HS3ST2: variants seen among roughly 807,000 people sequenced by gnomAD.
HS3ST2 encodes heparan sulfate glucosamine 3-O-sulfotransferase 2.
Under a neutral mutation model 26.3 loss-of-function variants are expected in HS3ST2, and 17 were observed. That is an observed-to-expected ratio of 0.65 (90% CI 0.44 to 0.97). HS3ST2 has a LOEUF of 0.97. Among genes scored for constraint, HS3ST2 ranks in the 50% least tolerant of loss-of-function variants. The pLI is 0.00. For synonymous variants in HS3ST2, 237 were observed against 219.2 expected, an observed-to-expected ratio of 1.08 and a Z score of -0.72; for missense variants, 402 against 501.2, an observed-to-expected ratio of 0.80 and a Z score of 1.89.
chr16:22,826,860 G>T (rs1008840421), intron 1 of HS3ST2, among the ~76,000 whole-genome samples: 2 of 152,068 alleles, frequency 1.3e-5, no homozygotes, highest in African/African-American at 4.8e-5. Context: ...GGGGAGAGAG[G>T]AATGAAAAAA....
chr16:22,910,607 T>C (rs556764371), intron 1 of HS3ST2, among the ~76,000 whole-genome samples: 4 of 152,294 alleles, frequency 2.6e-5, no homozygotes, highest in African/African-American at 9.6e-5. Context: ...TTAAAAATTG[T>C]TTTTTAATTG....
At chr16:22,865,069 AAAG>A (rs1901732621) in intron 1 of HS3ST2, among the ~76,000 whole-genome samples, 1 of 150,112 alleles carries the variant, frequency 6.7e-6, no homozygotes, top group Admixed American at 6.6e-5. Context: ...AAAAAAAAAA[AAAG>A]AGGAAAAGAA....
chr16:22,882,176 A>G (rs1171717406), intron 1 of HS3ST2, among the ~76,000 whole-genome samples: 2 of 152,180 alleles, frequency 1.3e-5, no homozygotes, highest in Non-Finnish European at 2.9e-5. Context: ...TCTGAACAAC[A>G]TGGTGAGACC....
intron 1 of HS3ST2, among the ~76,000 whole-genome samples, chr16:22,871,354 CAAA>C (rs35724979): frequency 7.6e-6 from 1 of 131,598 alleles, no homozygotes. Flanking sequence ...CACTCTGTTT[CAAA>C]AAAAAAAAAA....
intron 1 of HS3ST2, among the ~76,000 whole-genome samples, chr16:22,873,408 C>T (rs759681359): frequency 5.9e-5 from 9 of 152,202 alleles, no homozygotes; most frequent in South Asian, 4.1e-4. Flanking sequence ...TCTTATCTCA[C>T]GTTAATGACA....
intron 1 of HS3ST2, among the ~76,000 whole-genome samples, chr16:22,882,873 A>T (rs1902008583): frequency 6.6e-6 from 1 of 151,744 alleles, no homozygotes; most frequent in African/African-American, 2.4e-5. Flanking sequence ...TCAACTAAAA[A>T]CACAAAAGTT....
chr16:22,888,168 A>G (rs1902086490), intron 1 of HS3ST2, among the ~76,000 whole-genome samples: 1 of 151,940 alleles, frequency 6.6e-6, no homozygotes, highest in Non-Finnish European at 1.5e-5. Flanking sequence ...TCACCTTCCA[A>G]ATACATTTAT....
chr16:22,896,809 T>A (rs891206416), intron 1 of HS3ST2, among the ~76,000 whole-genome samples: 3 of 152,258 alleles, frequency 2.0e-5, no homozygotes, highest in African/African-American at 7.2e-5. Context: ...CTTTCTTTTT[T>A]TCTTTTGTTA....
chr16:22,854,639 CT>C (rs35867719), intron 1 of HS3ST2: 34,425 of 126,900 alleles, frequency 0.27, 5,114 homozygotes, highest in African/African-American at 0.58. Context: ...GTATTAAATG[CT>C]TTTTTTTTTT....
chr16:22,869,330 A>G (rs1901799787), intron 1 of HS3ST2, among the ~76,000 whole-genome samples: 1 of 152,188 alleles, frequency 6.6e-6, no homozygotes, highest in Non-Finnish European at 1.5e-5. Flanking sequence ...CAGCTTTGAC[A>G]CTTTCTAGCT....
chr16:22,903,785 G>C (rs1415705644), intron 1 of HS3ST2, among the ~76,000 whole-genome samples: 1 of 152,164 alleles, frequency 6.6e-6, no homozygotes, highest in Non-Finnish European at 1.5e-5. Context: ...TACACAAGGG[G>C]TGGATAAAGG....
At chr16:22,859,846 C>T (rs369160931) in intron 1 of HS3ST2, among the ~76,000 whole-genome samples, 5 of 152,226 alleles carry the variant, frequency 3.3e-5, no homozygotes, top group South Asian at 4.2e-4. Context: ...GGACCTGGTC[C>T]GAGGGGATTT....
chr16:22,909,062 A>G (rs1163262198), intron 1 of HS3ST2, among the ~76,000 whole-genome samples: 1 of 152,186 alleles, frequency 6.6e-6, no homozygotes, highest in East Asian at 1.9e-4. Context: ...ACTAATGAGG[A>G]ATCTCTTCCA....
intron 1 of HS3ST2, among the ~76,000 whole-genome samples, chr16:22,870,237 A>AC (rs1901815580): frequency 6.6e-6 from 1 of 151,954 alleles, no homozygotes; most frequent in South Asian, 2.1e-4. Context: ...GGTGTTCTGG[A>AC]CCCCCTGAAG....
intron 1 of HS3ST2, among the ~76,000 whole-genome samples, chr16:22,846,150 G>A (rs1901429031): frequency 6.6e-6 from 1 of 152,106 alleles, no homozygotes; most frequent in South Asian, 2.1e-4. Flanking sequence ...GGTGGCGAGT[G>A]CCTGTAGTCC....
intron 1 of HS3ST2, among the ~76,000 whole-genome samples, chr16:22,888,392 T>C (rs1285787830): frequency 4.0e-4 from 57 of 142,956 alleles, no homozygotes; most frequent in South Asian, 3.2e-3. Flanking sequence ...TTTTTTTTTT[T>C]CTTTTTTTTT....
chr16:22,879,053 C>T (rs771580759), intron 1 of HS3ST2, among the ~76,000 whole-genome samples: 12 of 152,328 alleles, frequency 7.9e-5, no homozygotes, highest in Middle Eastern at 3.4e-3. Context: ...GTCAGCTGGC[C>T]GCTTCATGCT....
intron 1 of HS3ST2, among the ~76,000 whole-genome samples, chr16:22,832,101 G>A (rs1393358075): frequency 6.6e-6 from 1 of 151,166 alleles, no homozygotes; most frequent in African/African-American, 2.4e-5. Flanking sequence ...TCCCACTTCA[G>A]CTTCCCGAGT....
rs1222795209 is a variant in HS3ST2 at position 22,819,132 on chromosome 16, ATTCC to A, written c.485+4058_485+4061del. 2.6e-3 allele frequency among the ~76,000 whole-genome samples: 17 copies of A among 6,472 alleles called. 1 individual carries two copies. The highest frequency in any genetic ancestry group is 0.01 in the East Asian group (2 of 196). 4.2% of individuals were successfully genotyped at this position (6,472 alleles called of 152,430 possible). On this transcript the variant is annotated intron_variant, in intron 1 of 1. Coordinates refer to ENST00000261374, the MANE Select transcript of HS3ST2 (RefSeq NM_006043.2). Reference sequence around the variant, plus strand: ...CCTTCCTTCCTTCCTTCCTTCCTTCATTCCTTCCTTCCTTCCTTCCTTCCCTCCT... The same window carrying A: ...CCTTCCTTCCTTCCTTCCTTCCTTCATTCCTTCCTTCCTTCCTTCCCTCCT...
Sources: allele counts gnomAD v4.1 joint callset (sites outside exome capture counted in the v4.1 genomes callset), GRCh38; gene constraint gnomAD v4.1.1; transcripts MANE v1.5; gene names NCBI Gene and HGNC (gene_info 2026-07-23, HGNC 2026-07-21).